The following GAREM1 variants were observed in gnomAD, a reference collection of about 807,000 sequenced individuals.
GAREM1 encodes GRB2-associated and regulator of MAPK protein 1.
GAREM1 carries 26 observed loss-of-function variants against 71.3 expected under a neutral mutation model. The observed-to-expected ratio is 0.36, with a 90% CI of 0.27 to 0.51. The LOEUF (loss-of-function observed/expected upper bound fraction) is 0.51, where lower values mean the gene tolerates loss of function less well. Among genes scored for constraint, GAREM1 ranks in the 20% least tolerant of loss-of-function variants. GAREM1 has a pLI of 0.95. For synonymous variants in GAREM1, 440 were observed against 433.2 expected, an observed-to-expected ratio of 1.02 and a Z score of -0.20; for missense variants, 1,026 against 1,103.1, an observed-to-expected ratio of 0.93 and a Z score of 0.99.
chr18:32,313,370 G>T (rs2144523703), intron 2 of GAREM1, among the ~76,000 whole-genome samples: 1 of 152,310 alleles, frequency 6.6e-6, no homozygotes, highest in South Asian at 2.1e-4. Context: ...CAAAAGCCAT[G>T]CAAAGGAGAG....
rs1470137164 is a variant in GAREM1, at chr18:32,288,079, C to T, written c.518G>A (p.Arg173Gln). 28 of 1,614,016 alleles carry T rather than the reference C, an allele frequency of 1.7e-5. No homozygotes were observed. The highest frequency in any genetic ancestry group is 2.2e-5 in the Non-Finnish European group (26 of 1,180,012). Residue 173 changes from arginine to glutamine, a missense_variant, in exon 4 of 6, where the codon CGA becomes CAA. Arg to Gln is a conservative substitution (Grantham distance 43, BLOSUM62 1). This residue lies in a region of GAREM1 where 218 missense variants were observed against 296.8 expected (regional missense o/e 0.73). Transcript: ENST00000269209. ...AATCTTTTTGAAGATTGTGTTGAGT[C>T]GTGACTTTTCCTTGAATGTCTTTGC... ...LYAKTFKEKS[R>Q]LNTIFKKIGK...
At chr18:32,307,275 C>T (rs1281813539) in intron 3 of GAREM1, among the ~76,000 whole-genome samples, 2 of 151,988 alleles carry the variant, frequency 1.3e-5, no homozygotes, top group East Asian at 3.9e-4. Flanking sequence ...ACTGCAAGTG[C>T]TTTTCTCAGT....
intron 2 of GAREM1, among the ~76,000 whole-genome samples, chr18:32,360,446 G>A (rs1397054851): frequency 6.6e-6 from 1 of 152,094 alleles, no homozygotes; most frequent in African/African-American, 2.4e-5. Flanking sequence ...GAAGTTTCAG[G>A]TGCATGAAAG....
At chr18:32,429,897 G>A (rs1015976710) in intron 1 of GAREM1, among the ~76,000 whole-genome samples, 10 of 152,184 alleles carry the variant, frequency 6.6e-5, no homozygotes, top group African/African-American at 2.4e-4. Flanking sequence ...AACCACAGTT[G>A]AATACTTAAC....
At chr18:32,421,605 A>G (rs1178329556) in intron 1 of GAREM1, among the ~76,000 whole-genome samples, 1 of 152,178 alleles carries the variant, frequency 6.6e-6, no homozygotes, top group Non-Finnish European at 1.5e-5. Flanking sequence ...AACGTATATC[A>G]GAAGGCAGAA....
chr18:32,371,660 C>T (rs2047981440), intron 2 of GAREM1, among the ~76,000 whole-genome samples: 2 of 151,994 alleles, frequency 1.3e-5, no homozygotes. Flanking sequence ...GAGCTGGACA[C>T]TCCTACAGAC....
chr18:32,422,975 CTGA>C (rs1599037100), intron 1 of GAREM1, among the ~76,000 whole-genome samples: 1 of 152,188 alleles, frequency 6.6e-6, no homozygotes, highest in East Asian at 1.9e-4. Context: ...ATTATACCAT[CTGA>C]GAGGGAAAAC....
In GAREM1 at chr18:32,396,532, G is replaced by A. The variant is rs565565194; in HGVS notation, c.122-3497C>T. On this transcript the variant is annotated intron_variant, in intron 1 of 5. Transcript: ENST00000269209. ...ATGCACAAGCTTCAGTAGCCGATGCGATCAACTGGAAGAAAGGGTATCAGT... is the reference window on the plus strand; with the variant it reads ...ATGCACAAGCTTCAGTAGCCGATGCAATCAACTGGAAGAAAGGGTATCAGT... 4.6e-5 allele frequency among the ~76,000 whole-genome samples: 7 copies of A among 152,324 alleles called. No homozygotes were observed. The East Asian group carries it at 5.8e-4, about 13-fold the overall frequency.
rs763289866 is a variant in GAREM1 at position 32,470,392 on chromosome 18, C to A, written c.37G>T (p.Asp13Tyr). The part of the protein sequence containing the change: ...PAPSLGCSLK[D>Y]VKWSSVAVPL... ...ACGGCCACCGAGCTCCACTTCACAT[C>A]CTTGAGGCTGCAGCCCAGCGAGGGC... The change falls in exon 1 of 6, where the codon GAT (aspartate) becomes TAT (tyrosine). Residue 13 changes from aspartate to tyrosine, a missense_variant. This residue lies in a region of GAREM1 where 172 missense variants were observed against 175.2 expected (regional missense o/e 0.98). Transcript: ENST00000269209. The surrounding 1 kb of genome is among the most constrained non-coding windows in gnomAD (Gnocchi z 4.4). 7 of 1,558,692 alleles carry A rather than the reference C, an allele frequency of 4.5e-6. No individual in the cohort carries two copies. Among genetic ancestry groups the A allele is most frequent in the Non-Finnish European group, 6.1e-6 (7 of 1,153,532 alleles).
intron 2 of GAREM1, among the ~76,000 whole-genome samples, chr18:32,376,239 T>A (rs2048029550): frequency 6.6e-6 from 1 of 152,240 alleles, no homozygotes; most frequent in Non-Finnish European, 1.5e-5. Context: ...TGCATTGACG[T>A]CTCAAGATTT....
At chr18:32,344,238 T>C (rs771404693) in intron 2 of GAREM1, among the ~76,000 whole-genome samples, 18 of 152,170 alleles carry the variant, frequency 1.2e-4, no homozygotes, top group Non-Finnish European at 2.4e-4. Flanking sequence ...GATACTCAAC[T>C]AGACTTAGTG....
chr18:32,404,496 T>C (rs918246598), intron 1 of GAREM1, among the ~76,000 whole-genome samples: 1 of 152,050 alleles, frequency 6.6e-6, no homozygotes, highest in Non-Finnish European at 1.5e-5. Flanking sequence ...AAGGCAAGTA[T>C]ATATGTGATT....
At chr18:32,288,732 T>A (rs1476440456) in intron 3 of GAREM1, among the ~76,000 whole-genome samples, 1 of 152,092 alleles carries the variant, frequency 6.6e-6, no homozygotes, top group African/African-American at 2.4e-5. Flanking sequence ...TCACTAAAGA[T>A]AATCTGTCAA....
intron 2 of GAREM1, among the ~76,000 whole-genome samples, chr18:32,328,436 G>A (rs922933968): frequency 6.6e-6 from 1 of 152,130 alleles, no homozygotes; most frequent in Admixed American, 6.6e-5. Flanking sequence ...GCTTCTTTCA[G>A]CAGTTACACT....
chr18:32,271,381 C>T (rs1364618215), intron 4 of GAREM1, among the ~76,000 whole-genome samples: 3 of 151,900 alleles, frequency 2.0e-5, no homozygotes, highest in South Asian at 2.1e-4. Flanking sequence ...TTAGTAGAGT[C>T]GGGGTTTGAC....
chr18:32,384,538 T>A (rs963139252), intron 2 of GAREM1, among the ~76,000 whole-genome samples: 1 of 152,198 alleles, frequency 6.6e-6, no homozygotes, highest in Non-Finnish European at 1.5e-5. Flanking sequence ...TTACCTAGAT[T>A]TAACAACTTA....
At chr18:32,463,981 C>A (rs1381721660) in intron 1 of GAREM1, among the ~76,000 whole-genome samples, 1 of 129,828 alleles carries the variant, frequency 7.7e-6, no homozygotes, top group Non-Finnish European at 1.6e-5. Flanking sequence ...ATGATGAGTA[C>A]GTGGTTAAAA....
At chr18:32,303,304 G>A (rs894135864) in intron 3 of GAREM1, among the ~76,000 whole-genome samples, 1 of 152,164 alleles carries the variant, frequency 6.6e-6, no homozygotes, top group Non-Finnish European at 1.5e-5. Context: ...AAGATAGGAT[G>A]CCTCAGACCC....
chr18:32,302,425 G>A (rs2047210086), intron 3 of GAREM1, among the ~76,000 whole-genome samples: 1 of 152,112 alleles, frequency 6.6e-6, no homozygotes, highest in Non-Finnish European at 1.5e-5. Flanking sequence ...AGTATTGCAA[G>A]GCTCTAGTTT....
Sources: allele counts gnomAD v4.1 joint callset (sites outside exome capture counted in the v4.1 genomes callset), GRCh38; gene constraint gnomAD v4.1.1; regional missense constraint gnomAD v4.1.1; non-coding constraint Gnocchi (gnomAD v3.1); transcripts MANE v1.5; gene names NCBI Gene and HGNC (gene_info 2026-07-23, HGNC 2026-07-21).